Variants in RSU1 observed in about 807,000 individuals in gnomAD.
The protein encoded by RSU1 is rsu-1.
Under a neutral mutation model 31.1 loss-of-function variants are expected in RSU1, and 26 were observed. The ratio of observed to expected loss-of-function variants is 0.84; its 90% CI spans 0.61 to 1.16. The LOEUF (loss-of-function observed/expected upper bound fraction) is 1.16, where lower values mean the gene tolerates loss of function less well. Among genes scored for constraint, RSU1 ranks in the 50% most tolerant of loss-of-function variants. The probability of loss-of-function intolerance (pLI) is 0.00; values close to 1 mark genes in which losing one functional copy is unlikely to be tolerated. For synonymous variants in RSU1, 164 were observed against 136.3 expected, an observed-to-expected ratio of 1.20 and a Z score of -1.41; for missense variants, 320 against 339.1, an observed-to-expected ratio of 0.94 and a Z score of 0.44.
intron 7 of RSU1, among the ~76,000 whole-genome samples, chr10:16,728,060 A>G (rs1414600758): frequency 2.0e-5 from 3 of 152,252 alleles, no homozygotes; most frequent in African/African-American, 7.2e-5. Context: ...CAAAACTGCC[A>G]GTAAGGCAGA....
chr10:16,693,785 C>G (rs1371323736), intron 8 of RSU1, among the ~76,000 whole-genome samples: 1 of 152,082 alleles, frequency 6.6e-6, no homozygotes, highest in Non-Finnish European at 1.5e-5. Context: ...TTGCCTCAGC[C>G]CAGGCGCTTG....
chr10:16,651,419 G>C (rs1371843441), intron 8 of RSU1, among the ~76,000 whole-genome samples: 1 of 152,184 alleles, frequency 6.6e-6, no homozygotes, highest in African/African-American at 2.4e-5. Context: ...TTTTACCTTA[G>C]TGTAGCATAA....
intron 3 of RSU1, among the ~76,000 whole-genome samples, chr10:16,775,359 C>A (rs1226770692): frequency 6.6e-6 from 1 of 152,172 alleles, no homozygotes; most frequent in African/African-American, 2.4e-5. Flanking sequence ...CAGCCTGCCA[C>A]CGTTCTGAAG....
intron 8 of RSU1, among the ~76,000 whole-genome samples, chr10:16,671,882 T>C (rs539643045): frequency 2.2e-4 from 33 of 151,470 alleles, no homozygotes; most frequent in Non-Finnish European, 4.3e-4. Flanking sequence ...CCCCTCGGCC[T>C]CCCAAAGTGC....
chr10:16,687,367 T>C (rs1459175970), intron 8 of RSU1, among the ~76,000 whole-genome samples: 2 of 152,176 alleles, frequency 1.3e-5, no homozygotes, highest in Non-Finnish European at 2.9e-5. Context: ...CTGAACCATT[T>C]TGCATGAGCT....
At chr10:16,771,435 C>A (rs1227870165) in intron 3 of RSU1, among the ~76,000 whole-genome samples, 1 of 152,180 alleles carries the variant, frequency 6.6e-6, no homozygotes, top group East Asian at 1.9e-4. Flanking sequence ...GCTGTAATAA[C>A]TGGAGAACAT....
chr10:16,727,290 T>C, intron 7 of RSU1: 1 of 334,460 alleles, frequency 3.0e-6, no homozygotes, highest in Non-Finnish European at 6.1e-6. Flanking sequence ...TGGACACAAA[T>C]CCTCCCAAAG....
chr10:16,744,226 A>C (rs1406731918), intron 7 of RSU1, among the ~76,000 whole-genome samples: 1 of 152,166 alleles, frequency 6.6e-6, no homozygotes. Context: ...TAATGCTTTT[A>C]ATTGATAATA....
Position 16,754,866 on chromosome 10 carries a change from C to G in RSU1, c.400+5G>C, listed in dbSNP as rs1260279186. On this transcript the variant is annotated splice_donor_5th_base_variant and intron_variant, in intron 5 of 8. Coordinates refer to ENST00000345264, the MANE Select transcript of RSU1 (RefSeq NM_012425.4). Reference sequence around the variant, plus strand: ...AGGAGATTTATAGAATTGAAAGTTTCTTACTCAGGTAGAAGAAGTTTCCAG... The same window carrying G: ...AGGAGATTTATAGAATTGAAAGTTTGTTACTCAGGTAGAAGAAGTTTCCAG... The G allele has an allele frequency of 6.4e-7, 1 of 1,561,870 alleles. No individual in the cohort carries two copies. Among genetic ancestry groups the G allele is most frequent in the South Asian group, 1.1e-5 (1 of 89,726 alleles).
At chr10:16,739,641 G>A (rs1836713617) in intron 7 of RSU1, among the ~76,000 whole-genome samples, 1 of 151,494 alleles carries the variant, frequency 6.6e-6, no homozygotes, top group East Asian at 1.9e-4. Context: ...CTTTTGAGAT[G>A]GAGTTTCACT....
At position 16,695,167 on chromosome 10, in the gene RSU1, G is replaced by GGGGGGCC; in HGVS notation, c.599-13_599-12insGGCCCCC. 7.6e-7 allele frequency: 1 copy of GGGGGGCC among 1,318,154 alleles called. No individual in the cohort carries two copies. The highest frequency in any genetic ancestry group is 1.0e-6 in the Non-Finnish European group (1 of 970,980). 81.7% of individuals were successfully genotyped at this position (1,318,154 alleles called of 1,614,324 possible). A position where few individuals can be genotyped will look rare whatever the true frequency, so the allele number is the denominator to read the frequency against. ...TAAATCCAAGTTTCCTGGGGGGGGG[G>GGGGGGCC]AAAAAAAAAGTGAAGGTCACTTCAT... On this transcript the variant is annotated splice_polypyrimidine_tract_variant and intron_variant, in intron 7 of 8. Transcript: ENST00000345264.
intron 7 of RSU1, among the ~76,000 whole-genome samples, chr10:16,718,982 C>CAAAAAAA (rs796946983): frequency 9.0e-6 from 1 of 111,670 alleles, no homozygotes. Context: ...AACTTCATCT[C>CAAAAAAA]AAAAAAAAAA....
In RSU1 at chr10:16,783,364, C is replaced by CTTTTT. The variant is rs57270890; in HGVS notation, c.110-1285_110-1281dup. 2.6e-4 allele frequency among the ~76,000 whole-genome samples: 34 copies of CTTTTT among 132,058 alleles called. 1 individual carries two copies. Among genetic ancestry groups the CTTTTT allele is most frequent in the African/African-American group, 1.0e-3 (32 of 30,994 alleles). The allele number at this position is 132,058 out of a possible 152,430, so 86.6% of individuals were successfully genotyped here. A position where few individuals can be genotyped will look rare whatever the true frequency, so the allele number is the denominator to read the frequency against. On this transcript the variant is annotated intron_variant, in intron 2 of 8. Coordinates refer to ENST00000345264, the MANE Select transcript of RSU1 (RefSeq NM_012425.4). Reference sequence around the variant, plus strand: ...TCACTTCTACTGACCACAACTTTTGCTTTTTTTTTTGAGACTGAGTCTCAC... The same window carrying CTTTTT: ...TCACTTCTACTGACCACAACTTTTGCTTTTTTTTTTTTTTTGAGACTGAGTCTCAC...
At chr10:16,670,728 C>A (rs1287207195) in intron 8 of RSU1, among the ~76,000 whole-genome samples, 2 of 152,054 alleles carry the variant, frequency 1.3e-5, no homozygotes, top group Non-Finnish European at 2.9e-5. Flanking sequence ...TTCTGGTGTT[C>A]CCTTGGTCAG....
chr10:16,678,048 T>G (rs1564313399), intron 8 of RSU1, among the ~76,000 whole-genome samples: 1 of 152,210 alleles, frequency 6.6e-6, no homozygotes. Flanking sequence ...TTTCCATCCT[T>G]TAAGACACAA....
chr10:16,769,424 G>A (rs1419438962), intron 3 of RSU1, among the ~76,000 whole-genome samples: 3 of 152,250 alleles, frequency 2.0e-5, no homozygotes, highest in Non-Finnish European at 4.4e-5. Flanking sequence ...CACATGTGGT[G>A]ACCAGTGGCT....
intron 7 of RSU1, among the ~76,000 whole-genome samples, chr10:16,705,951 T>C (rs926997910): frequency 6.6e-6 from 1 of 152,190 alleles, no homozygotes; most frequent in Non-Finnish European, 1.5e-5. Flanking sequence ...CCAAATGTTT[T>C]TGATCTGTGG....
At chr10:16,647,493 A>G (rs1229077514) in intron 8 of RSU1, among the ~76,000 whole-genome samples, 9 of 152,246 alleles carry the variant, frequency 5.9e-5, no homozygotes, top group Admixed American at 3.3e-4. Flanking sequence ...AATAACCCAA[A>G]TATCCATCAA....
At chr10:16,681,264 C>T (rs1022669828) in intron 8 of RSU1, among the ~76,000 whole-genome samples, 5 of 152,180 alleles carry the variant, frequency 3.3e-5, no homozygotes, top group African/African-American at 9.7e-5. Flanking sequence ...TCTGATTTAT[C>T]TGATAATAAA....
Sources: allele counts gnomAD v4.1 joint callset (sites outside exome capture counted in the v4.1 genomes callset), GRCh38; gene constraint gnomAD v4.1.1; transcripts MANE v1.5; gene names NCBI Gene and HGNC (gene_info 2026-07-23, HGNC 2026-07-21).